PEX26: variants seen among roughly 807,000 people sequenced by gnomAD.
PEX26 encodes peroxisomal biogenesis factor 26.
In PEX26, 18 loss-of-function variants were observed where a neutral mutation model predicts 31.4. The observed-to-expected ratio is 0.57, with a 90% CI of 0.40 to 0.85. The LOEUF is 0.85. Ranked by LOEUF, PEX26 falls within the 40% of genes least tolerant of loss-of-function variation. The pLI, the probability that PEX26 is intolerant of heterozygous loss-of-function variation, is 0.00. For missense variants in PEX26, 377 were observed against 383.9 expected (o/e 0.98, Z 0.15); for synonymous variants, 176 against 166.9 (o/e 1.05, Z -0.42).
In PEX26 at chr22:18,104,987, A is replaced by T. The variant is rs1032421040; in HGVS notation, c.*16912A>T. 1 of 152,232 alleles carries T rather than the reference A, an allele frequency of 6.6e-6. No homozygotes were observed. Among genetic ancestry groups the T allele is most frequent in the Non-Finnish European group, 1.5e-5 (1 of 68,044 alleles). 9.4% of individuals were successfully genotyped at this position (152,232 alleles called of 1,614,324 possible). On this transcript the variant is annotated 3_prime_UTR_variant, in exon 5 of 5. Coordinates refer to ENST00000399744, the MANE Select transcript of PEX26 (RefSeq NM_001127649.3). ...TGGGGCTAACCAAAGTTAAATACAT[A>T]TGACAAGTACCTGAATCTAGATAAT...
In PEX26 at chr22:18,104,878, T is replaced by G. The variant is rs1243608389; in HGVS notation, c.*16803T>G. 1 of 152,156 alleles carries G rather than the reference T, an allele frequency of 6.6e-6. No individual in the cohort carries two copies. The highest frequency in any genetic ancestry group is 2.4e-5 in the African/African-American group (1 of 41,408). The allele number at this position is 152,156 out of a possible 1,614,324, so 9.4% of individuals were successfully genotyped here. A position where few individuals can be genotyped will look rare whatever the true frequency, so the allele number is the denominator to read the frequency against. ...TAAAGGCGAGCCAATTTGTTTGTGA[T>G]CCAGTGGCCAAAATGGTTCACCCTC... On this transcript the variant is annotated 3_prime_UTR_variant, in exon 5 of 5. Coordinates refer to ENST00000399744, the MANE Select transcript of PEX26 (RefSeq NM_001127649.3).
intron 4 of PEX26, among the ~76,000 whole-genome samples, chr22:18,086,905 T>A (rs769233187): frequency 6.6e-6 from 1 of 151,626 alleles, no homozygotes; most frequent in Non-Finnish European, 1.5e-5. Flanking sequence ...TTTTTATTTT[T>A]ATTTTATTTT....
Position 18,078,543 on chromosome 22 carries a change from A to G in PEX26, c.167A>G (p.Glu56Gly). ...VVHLDFRAAL[E>G]TCERAWQSLA... Reference sequence around the variant, plus strand: ...CACCTGGACTTCCGGGCGGCGCTGGAGACCTGCGAGCGGGCCTGGCAGAGT... The same window carrying G: ...CACCTGGACTTCCGGGCGGCGCTGGGGACCTGCGAGCGGGCCTGGCAGAGT... Residue 56 changes from glutamate to glycine, a missense_variant, in exon 1 of 5, where the codon GAG (glutamate) becomes GGG (glycine). By Grantham distance (98) the Glu-to-Gly change is moderately conservative. Transcript: ENST00000399744. The G allele has an allele frequency of 6.3e-7, 1 of 1,587,160 alleles. No individual in the cohort carries two copies.
chr22:18,086,362 C>G (rs1013005786), intron 4 of PEX26, among the ~76,000 whole-genome samples: 1 of 152,210 alleles, frequency 6.6e-6, no homozygotes, highest in Non-Finnish European at 1.5e-5. Flanking sequence ...AAATCTGCTA[C>G]TCTGCTGTGC....
At chr22:18,080,316 A>AT (rs1556587214) in intron 2 of PEX26, among the ~76,000 whole-genome samples, 3 of 152,044 alleles carry the variant, frequency 2.0e-5, no homozygotes, top group Non-Finnish European at 4.4e-5. Context: ...TTAAAAAAAA[A>AT]TTTTGTTTTG....
intron 4 of PEX26, among the ~76,000 whole-genome samples, chr22:18,087,734 A>T (rs1049287106): frequency 1.3e-5 from 2 of 152,000 alleles, no homozygotes; most frequent in Admixed American, 1.3e-4. Flanking sequence ...ATGGTGGGGG[A>T]GGAGAACCTG....
chr22:18,104,111 C>T lies in PEX26; in HGVS notation c.*16036C>T, dbSNP rs1018784822. The T allele has an allele frequency of 6.6e-6, 1 of 151,996 alleles. No individual in the cohort carries two copies. Among genetic ancestry groups the T allele is most frequent in the African/African-American group, 2.4e-5 (1 of 41,348 alleles). The allele number at this position is 151,996 out of a possible 1,614,324, so 9.4% of individuals were successfully genotyped here. ...TCAGTGTTGGTTAGGAGGAAAATGC[C>T]CAGAAAGGGGAACAGTTAATCATCT... On this transcript the variant is annotated 3_prime_UTR_variant, in exon 5 of 5. Coordinates refer to ENST00000399744, the MANE Select transcript of PEX26 (RefSeq NM_001127649.3).
rs753133378 is a variant in PEX26, at chr22:18,078,353, C to G, written c.-24C>G. On this transcript the variant is annotated 5_prime_UTR_variant, in exon 1 of 5. Transcript: ENST00000399744. ...GGCGGTCACTCCGACGTCTGAGGAC[C>G]TGGGCCTTGGACCCGGACTCGTTAT... The G allele has an allele frequency of 6.4e-7, 1 of 1,554,170 alleles. No homozygotes were observed. Among genetic ancestry groups the G allele is most frequent in the African/African-American group, 1.4e-5 (1 of 73,934 alleles).
At chr22:18,087,745 C>T (rs1182689219) in intron 4 of PEX26, among the ~76,000 whole-genome samples, 2 of 152,190 alleles carry the variant, frequency 1.3e-5, no homozygotes, top group Non-Finnish European at 2.9e-5. Flanking sequence ...GGAGAACCTG[C>T]ACCTGCAGGC....
At chr22:18,083,266 G>T (rs1269183800) in intron 2 of PEX26, among the ~76,000 whole-genome samples, 171 bp from the exon 3 acceptor site, 1 of 152,176 alleles carries the variant, frequency 6.6e-6, no homozygotes, top group Non-Finnish European at 1.5e-5. Context: ...TATGCTGTTA[G>T]TGATGGGTGT....
rs1427046219 is a variant in PEX26, at chr22:18,099,431, T to C, written c.*11356T>C. The C allele has an allele frequency of 2.0e-5, 3 of 152,222 alleles. No individual in the cohort carries two copies. The highest frequency in any genetic ancestry group is 7.2e-5 in the African/African-American group (3 of 41,462). The allele number at this position is 152,222 out of a possible 1,614,324, so 9.4% of individuals were successfully genotyped here. A position where few individuals can be genotyped will look rare whatever the true frequency, so the allele number is the denominator to read the frequency against. ...GTATACGTGAAATGCTTTCTATTCA[T>C]TCAAGCAACCTTACTAAAAACACCC... On this transcript the variant is annotated 3_prime_UTR_variant, in exon 5 of 5. Coordinates refer to ENST00000399744, the MANE Select transcript of PEX26 (RefSeq NM_001127649.3).
At chr22:18,079,290 G>T in intron 1 of PEX26, 1 of 953,778 alleles carries the variant, frequency 1.0e-6, no homozygotes, top group Non-Finnish European at 1.2e-6. Flanking sequence ...TGTAAACTTG[G>T]GTTAGGCCAC....
At chr22:18,084,237 C>CTTTTTT (rs362041) in intron 3 of PEX26, among the ~76,000 whole-genome samples, 15 of 95,322 alleles carry the variant, frequency 1.6e-4, no homozygotes, top group African/African-American at 3.9e-4. Flanking sequence ...ATCTCTCTCT[C>CTTTTTT]TTTTTTTTTT....
At chr22:18,078,948 C>T (rs975453364) in intron 1 of PEX26, 1 of 437,490 alleles carries the variant, frequency 2.3e-6, no homozygotes, top group South Asian at 1.9e-5. Context: ...CCCCGCCCCG[C>T]CCAAGGTTGT....
intron 1 of PEX26, chr22:18,078,975 C>G: frequency 2.5e-6 from 1 of 394,004 alleles, no homozygotes. Flanking sequence ...CTGACCTTGG[C>G]TGATGATGGG....
In PEX26 at chr22:18,078,350, G is replaced by A; in HGVS notation, c.-27G>A. 6.5e-7 allele frequency: 1 copy of A among 1,538,992 alleles called. No individual in the cohort carries two copies. Among genetic ancestry groups the A allele is most frequent in the Non-Finnish European group, 8.9e-7 (1 of 1,121,752 alleles). ...GGAGGCGGTCACTCCGACGTCTGAG[G>A]ACCTGGGCCTTGGACCCGGACTCGT... On this transcript the variant is annotated 5_prime_UTR_variant, in exon 1 of 5. Transcript: ENST00000399744.
chr22:18,078,073 C>G lies in PEX26; in HGVS notation c.-304C>G. ...GTGAGTCTTTGATCGTAACCAGGAG[C>G]CCGGAGCTGAGGCAGTTCCTGCACG... On this transcript the variant is annotated 5_prime_UTR_variant, in exon 1 of 5. Transcript: ENST00000399744. 1 of 560,848 alleles carries G rather than the reference C, an allele frequency of 1.8e-6. No homozygotes were observed. The highest frequency in any genetic ancestry group is 3.4e-6 in the Non-Finnish European group (1 of 295,678). The allele number at this position is 560,848 out of a possible 1,614,324, so 34.7% of individuals were successfully genotyped here.
At position 18,083,715 on chromosome 22, in the gene PEX26, A is replaced by G; in HGVS notation, c.650A>G (p.Gln217Arg). Residue 217 changes from glutamine (Q) to arginine (R), a missense_variant, in exon 3 of 5, where the codon CAG becomes CGG. Transcript: ENST00000399744. The stretch of plus-strand genomic sequence containing the variant: ...GAACACTCAGGCTCTGAGGAGGCCC[A>G]GAAGCCAAACCTGGAAGGTAGGACA... ...KQEHSGSEEA[Q>R]KPNLEGSVSH... is the part of the protein sequence containing the mutation. The G allele has an allele frequency of 6.2e-7, 1 of 1,614,012 alleles. No homozygotes were observed. Among genetic ancestry groups the G allele is most frequent in the Non-Finnish European group, 8.5e-7 (1 of 1,180,036 alleles).
At position 18,095,621 on chromosome 22, in the gene PEX26, A is replaced by G. The variant is rs1927266786; in HGVS notation, c.*7546A>G. ...GGATTTCATGGTCTCCATGGTGACA[A>G]GTGCTTGTTTTCAGAGGTGCTAAAG... On this transcript the variant is annotated 3_prime_UTR_variant, in exon 5 of 5. Transcript: ENST00000399744. The G allele has an allele frequency of 6.6e-6, 1 of 151,832 alleles. No homozygotes were observed. The highest frequency in any genetic ancestry group is 2.4e-5 in the African/African-American group (1 of 41,312). The allele number at this position is 151,832 out of a possible 1,614,324, so 9.4% of individuals were successfully genotyped here.
Sources: allele counts gnomAD v4.1 joint callset (sites outside exome capture counted in the v4.1 genomes callset), GRCh38; gene constraint gnomAD v4.1.1; transcripts MANE v1.5; gene names NCBI Gene and HGNC (gene_info 2026-07-23, HGNC 2026-07-21).